Variants in CACNA2D2 observed in about 807,000 individuals in gnomAD.
The protein encoded by CACNA2D2 is calcium voltage-gated channel auxiliary subunit alpha2delta 2, also known as voltage-dependent calcium channel subunit alpha-2/delta-2.
A neutral mutation model predicts 166.4 loss-of-function variants in CACNA2D2; 48 were observed. That is an observed-to-expected ratio of 0.29 (90% confidence interval 0.23 to 0.37). CACNA2D2 has a LOEUF of 0.37. Among genes scored for constraint, CACNA2D2 ranks in the 10% least tolerant of loss-of-function variants. The pLI is 1.00. For missense variants in CACNA2D2, 1,122 were observed against 1,433.0 expected (o/e 0.78, Z 3.50); for synonymous variants, 561 against 573.7 (o/e 0.98, Z 0.32).
chr3:50,389,333 A>G (rs587705679), intron 4 of CACNA2D2, among the ~76,000 whole-genome samples: 10 of 152,342 alleles, frequency 6.6e-5, no homozygotes, highest in African/African-American at 2.4e-4. Context: ...AAAAATATCA[A>G]TTCAACACAC....
At chr3:50,374,656 C>A in intron 22 of CACNA2D2, 81 bp downstream of exon 22, 1 of 1,493,472 alleles carries the variant, frequency 6.7e-7, no homozygotes, top group Non-Finnish European at 9.1e-7. Context: ...CGGCAAGCGG[C>A]GCTGGCTATG....
intron 3 of CACNA2D2, among the ~76,000 whole-genome samples, chr3:50,422,436 C>T (rs560653910): frequency 6.6e-6 from 1 of 152,284 alleles, no homozygotes; most frequent in Non-Finnish European, 1.5e-5. Context: ...GCCTCAATGC[C>T]CCTTCCCTGT....
At chr3:50,478,030 C>G (rs1332024401) in intron 1 of CACNA2D2, among the ~76,000 whole-genome samples, 2 of 151,922 alleles carry the variant, frequency 1.3e-5, no homozygotes, top group Non-Finnish European at 2.9e-5. Context: ...ATTTGCCAAG[C>G]TGAATGTCAG....
chr3:50,394,286 C>T, intron 3 of CACNA2D2, 118 bp from the exon 4 acceptor site: 1 of 787,384 alleles, frequency 1.3e-6, no homozygotes, highest in Non-Finnish European at 2.2e-6. Context: ...TGACTCCCTT[C>T]CCCTCATCCT....
chr3:50,377,184 T>C (rs1420194043), intron 17 of CACNA2D2, among the ~76,000 whole-genome samples: 1 of 152,256 alleles, frequency 6.6e-6, no homozygotes, highest in Non-Finnish European at 1.5e-5. Flanking sequence ...CCATTGTTTA[T>C]GTTTTGTTTG....
At position 50,367,142 on chromosome 3, in the gene CACNA2D2, T is replaced by C; in HGVS notation, c.2402-33A>G. Reference sequence around the variant, plus strand: ...TTGGGTGGGGAAGTCAGGAGTGGGGTCTGGCGGCCACACTGACCACTCTAT... The same window carrying C: ...TTGGGTGGGGAAGTCAGGAGTGGGGCCTGGCGGCCACACTGACCACTCTAT... On this transcript the variant is annotated intron_variant, in intron 27 of 37. Coordinates refer to ENST00000424201, the MANE Select transcript of CACNA2D2 (RefSeq NM_006030.4). This position sits in a 1 kb window ranked among gnomAD's most constrained non-coding sequence, Gnocchi z 6.5. The C allele has an allele frequency of 6.6e-7, 1 of 1,525,086 alleles. No individual in the cohort carries two copies. The highest frequency in any genetic ancestry group is 9.1e-7 in the Non-Finnish European group (1 of 1,103,152). 94.5% of individuals were successfully genotyped at this position (1,525,086 alleles called of 1,614,324 possible). A position where few individuals can be genotyped will look rare whatever the true frequency, so the allele number is the denominator to read the frequency against.
intron 3 of CACNA2D2, among the ~76,000 whole-genome samples, chr3:50,411,965 C>A (rs1205189342): frequency 6.6e-6 from 1 of 152,244 alleles, no homozygotes; most frequent in East Asian, 1.9e-4. Flanking sequence ...GAAATCCCCC[C>A]ACAACCCCCA....
intron 2 of CACNA2D2, among the ~76,000 whole-genome samples, chr3:50,467,278 A>G (rs576045124): frequency 3.1e-4 from 47 of 152,268 alleles, no homozygotes; most frequent in African/African-American, 1.1e-3. Context: ...TCCAGGGATC[A>G]TCTATGTGGG....
At chr3:50,390,115 G>T (rs1705814105) in intron 4 of CACNA2D2, among the ~76,000 whole-genome samples, 1 of 152,118 alleles carries the variant, frequency 6.6e-6, no homozygotes, top group South Asian at 2.1e-4. Flanking sequence ...CAACAAGGAG[G>T]CAGTATTCTC....
intron 2 of CACNA2D2, among the ~76,000 whole-genome samples, chr3:50,451,450 C>T (rs1463148752): frequency 6.6e-6 from 1 of 152,148 alleles, no homozygotes; most frequent in East Asian, 1.9e-4. Context: ...AGGCCCCTCC[C>T]CAGGCTGCCT....
intron 3 of CACNA2D2, among the ~76,000 whole-genome samples, chr3:50,423,963 G>A (rs891646489): frequency 1.3e-5 from 2 of 152,240 alleles, no homozygotes; most frequent in African/African-American, 4.8e-5. Flanking sequence ...TCTGTCTGCG[G>A]GGCCTGCCCC....
chr3:50,466,615 C>G (rs1392761086), intron 2 of CACNA2D2, among the ~76,000 whole-genome samples: 1 of 152,230 alleles, frequency 6.6e-6, no homozygotes, highest in Non-Finnish European at 1.5e-5. Flanking sequence ...CATGCAGCAC[C>G]ACGCATCTCT....
chr3:50,388,325 G>A (rs1400501542), intron 4 of CACNA2D2, among the ~76,000 whole-genome samples: 2 of 152,222 alleles, frequency 1.3e-5, no homozygotes, highest in South Asian at 2.1e-4. Context: ...GACAGAGGCC[G>A]CCAGAAGGTG....
At chr3:50,496,620 G>C (rs1300622992) in intron 1 of CACNA2D2, among the ~76,000 whole-genome samples, 1 of 152,232 alleles carries the variant, frequency 6.6e-6, no homozygotes, top group Non-Finnish European at 1.5e-5. Context: ...CCTAGATCCA[G>C]TCGGGATCCA....
At chr3:50,462,826 G>C (rs947382685) in intron 2 of CACNA2D2, among the ~76,000 whole-genome samples, 2 of 151,886 alleles carry the variant, frequency 1.3e-5, no homozygotes, top group Non-Finnish European at 2.9e-5. Context: ...TTTACACCAG[G>C]CGCCTGTGTA....
At chr3:50,402,784 G>T (rs1706506098) in intron 3 of CACNA2D2, among the ~76,000 whole-genome samples, 1 of 152,230 alleles carries the variant, frequency 6.6e-6, no homozygotes, top group South Asian at 2.1e-4. Flanking sequence ...TGCCAGTTTT[G>T]TGTCAGTTTC....
At chr3:50,458,699 C>T (rs1361599441) in intron 2 of CACNA2D2, among the ~76,000 whole-genome samples, 1 of 152,210 alleles carries the variant, frequency 6.6e-6, no homozygotes, top group Non-Finnish European at 1.5e-5. Flanking sequence ...CCCACAGGAA[C>T]AAAGGAAATG....
chr3:50,371,613 C>A (rs1704659110), intron 22 of CACNA2D2, among the ~76,000 whole-genome samples: 1 of 152,114 alleles, frequency 6.6e-6, no homozygotes. Context: ...GTCCCTGATA[C>A]CAAATACTCC....
intron 1 of CACNA2D2, among the ~76,000 whole-genome samples, chr3:50,479,060 T>C (rs1454949223): frequency 6.6e-6 from 1 of 152,208 alleles, no homozygotes; most frequent in Non-Finnish European, 1.5e-5. Flanking sequence ...ATTATAATCA[T>C]CATCATTTCA....
Sources: gnomAD v4.1 joint callset for allele counts (sites outside exome capture counted in the v4.1 genomes callset) on GRCh38, gnomAD v4.1.1 for gene constraint, Gnocchi (gnomAD v3.1) non-coding constraint, MANE v1.5 for transcripts, NCBI Gene and HGNC (gene_info 2026-07-23, HGNC 2026-07-21) for gene names.